The following DISC1 variants were observed in gnomAD, a reference collection of about 807,000 sequenced individuals.
DISC1 encodes disrupted in schizophrenia 1 protein.
Under a neutral mutation model 84.5 loss-of-function variants are expected in DISC1, and 57 were observed. That is an observed-to-expected ratio of 0.67 (90% CI 0.55 to 0.84). The LOEUF is 0.84. Among genes scored for constraint, DISC1 ranks in the 40% least tolerant of loss-of-function variants. The pLI is 0.00. For missense variants in DISC1, 1,000 were observed against 1,057.8 expected (o/e 0.95, Z 0.76); for synonymous variants, 411 against 415.2 (o/e 0.99, Z 0.12).
intron 1 of DISC1, among the ~76,000 whole-genome samples, chr1:231,677,081 G>A: frequency 6.6e-6 from 1 of 152,260 alleles, no homozygotes; most frequent in East Asian, 1.9e-4. Flanking sequence ...TAACTCTAGG[G>A]TAAAATACAG....
At chr1:231,762,243 CTTTTCTTTTCTTTATTTT>C (rs1558498614) in intron 4 of DISC1, among the ~76,000 whole-genome samples, 421 of 13,910 alleles carry the variant, frequency 0.03, 2 homozygotes, top group African/African-American at 0.064. Flanking sequence ...CTTTTCTTTT[CTTTTCTTTTCTTTATTTT>C]CTTTCCTTTC....
intron 12 of DISC1, 139 bp downstream of exon 12, chr1:232,026,691 CTG>C (rs1463253634): frequency 1.5e-6 from 1 of 647,472 alleles, no homozygotes; most frequent in Non-Finnish European, 2.8e-6. Context: ...CCTCAGATCT[CTG>C]AGATTATCAG....
Position 231,694,647 on chromosome 1 carries a change from A to G in DISC1, c.889A>G (p.Met297Val), listed in dbSNP as rs773660555. 6.2e-7 allele frequency: 1 copy of G among 1,614,234 alleles called. No homozygotes were observed. Among genetic ancestry groups the G allele is most frequent in the Non-Finnish European group, 8.5e-7 (1 of 1,180,044 alleles). ...PERDMHSLPDMDPGSSSSLDP... is the reference protein window; with the variant it reads ...PERDMHSLPDVDPGSSSSLDP... ...GCGTGACATGCATTCTTTACCAGAC[A>G]TGGACCCTGGCTCCTCCAGTTCTCT... The change falls in exon 2 of 13, where the codon ATG (methionine) becomes GTG (valine). Residue 297 changes from methionine to valine, a missense_variant. Physicochemically the swap from Met to Val is conservative, Grantham distance 21. This residue lies in a region of DISC1 where 311 missense variants were observed against 400.1 expected (regional missense o/e 0.78). Transcript: ENST00000439617.
At chr1:231,727,481 G>C (rs2070882714) in intron 3 of DISC1, among the ~76,000 whole-genome samples, 1 of 152,112 alleles carries the variant, frequency 6.6e-6, no homozygotes, top group Non-Finnish European at 1.5e-5. Context: ...TTTTGAAGAA[G>C]TAAACACTGG....
At chr1:231,669,916 G>A (rs187413224) in intron 1 of DISC1, among the ~76,000 whole-genome samples, 34 of 152,196 alleles carry the variant, frequency 2.2e-4, no homozygotes, top group Non-Finnish European at 1.0e-4. Context: ...AAAGACACAT[G>A]CATGTGTATG....
chr1:231,982,216 G>C (rs764048874), intron 10 of DISC1, among the ~76,000 whole-genome samples: 1 of 152,098 alleles, frequency 6.6e-6, no homozygotes, highest in African/African-American at 2.4e-5. Context: ...GATTTTAAGC[G>C]TCGGTGATTG....
chr1:231,694,698 G>A lies in DISC1; in HGVS notation c.940G>A (p.Gly314Ser), dbSNP rs1393912063. The A allele has an allele frequency of 1.2e-6, 2 of 1,614,232 alleles. No individual in the cohort carries two copies. The highest frequency in any genetic ancestry group is 1.7e-6 in the Non-Finnish European group (2 of 1,180,052). ...GGATCCCTCACTGGCTGGCTGTGGTGGTGATGGGAGCAGCGGCTCAGGGGA... is the reference window on the plus strand; with the variant it reads ...GGATCCCTCACTGGCTGGCTGTGGTAGTGATGGGAGCAGCGGCTCAGGGGA... Reference protein sequence around the residue: ...SLDPSLAGCGGDGSSGSGDAH... With the variant: ...SLDPSLAGCGSDGSSGSGDAH... The change falls in exon 2 of 13, where the codon GGT becomes AGT. Residue 314 changes from glycine (G) to serine (S), a missense_variant. Gly to Ser is a moderately conservative substitution (Grantham distance 56). Around this residue, in one of 3 missense-constraint regions of DISC1, gnomAD observed 311 missense variants for 400.1 expected, o/e 0.78. Coordinates refer to ENST00000439617, the MANE Select transcript of DISC1 (RefSeq NM_018662.3).
intron 9 of DISC1, among the ~76,000 whole-genome samples, chr1:231,856,576 C>T (rs1328211511): frequency 6.6e-6 from 1 of 152,180 alleles, no homozygotes; most frequent in Non-Finnish European, 1.5e-5. Flanking sequence ...GGCACATGAC[C>T]TTCTAGTTGA....
chr1:231,950,462 T>C (rs1658156515), intron 9 of DISC1, among the ~76,000 whole-genome samples: 1 of 152,204 alleles, frequency 6.6e-6, no homozygotes, highest in Admixed American at 6.5e-5. Context: ...CAGGGATTGC[T>C]GAGAAAAGTT....
At chr1:231,951,140 A>G (rs1283874811) in intron 9 of DISC1, among the ~76,000 whole-genome samples, 1 of 152,232 alleles carries the variant, frequency 6.6e-6, no homozygotes, top group African/African-American at 2.4e-5. Context: ...TTCTTTGGGT[A>G]CCTTTGCCAG....
At chr1:231,834,918 G>A (rs2082520111) in intron 9 of DISC1, among the ~76,000 whole-genome samples, 1 of 152,190 alleles carries the variant, frequency 6.6e-6, no homozygotes, top group South Asian at 2.1e-4. Context: ...TCCCGAGTCC[G>A]TGAACAGCGC....
At chr1:231,931,683 C>G (rs935405314) in intron 9 of DISC1, among the ~76,000 whole-genome samples, 11 of 148,898 alleles carry the variant, frequency 7.4e-5, no homozygotes, top group Non-Finnish European at 1.3e-4. Context: ...GGGTCTCACT[C>G]TATCACCCAG....
At chr1:232,011,418 C>T (rs1668008558) in intron 11 of DISC1, among the ~76,000 whole-genome samples, 1 of 152,112 alleles carries the variant, frequency 6.6e-6, no homozygotes, top group African/African-American at 2.4e-5. Context: ...TAGAGGGGAC[C>T]TTACAGCTTT....
intron 10 of DISC1, among the ~76,000 whole-genome samples, chr1:231,965,765 C>T (rs1385099054): frequency 1.3e-5 from 2 of 152,240 alleles, no homozygotes; most frequent in Admixed American, 6.5e-5. Flanking sequence ...AGCACCTTTG[C>T]AGAGCCCTCC....
chr1:231,629,749 C>A (rs564368691), intron 1 of DISC1, among the ~76,000 whole-genome samples: 24 of 152,126 alleles, frequency 1.6e-4, no homozygotes, highest in Non-Finnish European at 3.4e-4. Flanking sequence ...AACATTATGA[C>A]ATTAATGTAG....
At chr1:231,799,311 C>G (rs1047184416) in intron 7 of DISC1, among the ~76,000 whole-genome samples, 2 of 152,096 alleles carry the variant, frequency 1.3e-5, no homozygotes, top group African/African-American at 4.8e-5. Context: ...TAAACAGTGT[C>G]TATTAATACT....
At chr1:231,681,496 C>T (rs200075477) in intron 1 of DISC1, among the ~76,000 whole-genome samples, 4 of 152,128 alleles carry the variant, frequency 2.6e-5, no homozygotes, top group East Asian at 3.9e-4. Context: ...TGAGGCTGCC[C>T]TGGTTTACCT....
At chr1:231,874,637 C>T (rs1424021300) in intron 9 of DISC1, among the ~76,000 whole-genome samples, 14 of 149,940 alleles carry the variant, frequency 9.3e-5, no homozygotes, top group African/African-American at 2.7e-4. Flanking sequence ...CCAGGCTGGG[C>T]GTGGTGGCTC....
intron 11 of DISC1, among the ~76,000 whole-genome samples, chr1:232,015,268 C>T (rs1317733427): frequency 1.3e-5 from 2 of 152,064 alleles, no homozygotes; most frequent in Admixed American, 6.6e-5. Context: ...GCTCCATGCT[C>T]CAGGGCCTCA....
Sources: allele counts gnomAD v4.1 joint callset (sites outside exome capture counted in the v4.1 genomes callset), GRCh38; gene constraint gnomAD v4.1.1; regional missense constraint gnomAD v4.1.1; transcripts MANE v1.5; gene names NCBI Gene and HGNC (gene_info 2026-07-23, HGNC 2026-07-21).